KCNIP4: variants seen among roughly 807,000 people sequenced by gnomAD.
The protein encoded by KCNIP4 is potassium voltage-gated channel interacting protein 4.
A neutral mutation model predicts 34.0 loss-of-function variants in KCNIP4; 12 were observed. That is an observed-to-expected ratio of 0.35 (90% CI 0.23 to 0.57). The LOEUF is 0.57. Among genes scored for constraint, KCNIP4 ranks in the 20% least tolerant of loss-of-function variants. The probability of loss-of-function intolerance (pLI) is 0.83; values close to 1 mark genes in which losing one functional copy is unlikely to be tolerated. For missense variants in KCNIP4, 238 were observed against 311.7 expected, an observed-to-expected ratio of 0.76 and a Z score of 1.78; for synonymous variants, 124 against 102.2, an observed-to-expected ratio of 1.21 and a Z score of -1.29.
chr4:21,483,681 T>C (rs1188412079), intron 1 of KCNIP4, among the ~76,000 whole-genome samples: 4 of 151,900 alleles, frequency 2.6e-5, no homozygotes, highest in African/African-American at 7.3e-5. Flanking sequence ...TCCCAGCTAC[T>C]TGGGAGGCTG....
intron 1 of KCNIP4, among the ~76,000 whole-genome samples, chr4:21,407,600 T>C (rs764201649): frequency 3.9e-5 from 6 of 152,174 alleles, no homozygotes; most frequent in Non-Finnish European, 8.8e-5. Flanking sequence ...CTAAATATCT[T>C]AAGCAAACTC....
intron 1 of KCNIP4, among the ~76,000 whole-genome samples, chr4:21,684,655 GA>G (rs1443704827): frequency 6.6e-6 from 1 of 152,036 alleles, no homozygotes; most frequent in East Asian, 1.9e-4. Context: ...TATTTTTGGT[GA>G]AAAAAACAAA....
rs950267577 is a variant in KCNIP4 at position 21,818,615 on chromosome 4, C to T, written c.61+129956G>A. On this transcript the variant is annotated intron_variant, in intron 1 of 8. Coordinates refer to ENST00000382152, the MANE Select transcript of KCNIP4 (RefSeq NM_025221.6). ...AATACTCAGTAGCTACATGTGAGCA[C>T]TGGCTACTATATTGGATAGCACAGA... 3.3e-5 allele frequency among the ~76,000 whole-genome samples: 5 copies of T among 152,342 alleles called. No homozygotes were observed. In the South Asian group the frequency reaches 1.0e-3, roughly 32 times the overall value.
chr4:21,859,473 G>A lies in KCNIP4; in HGVS notation c.61+89098C>T, dbSNP rs541313387. 4.6e-5 allele frequency among the ~76,000 whole-genome samples: 7 copies of A among 151,408 alleles called. No individual in the cohort carries two copies. In the East Asian group the frequency reaches 1.2e-3, roughly 25 times the overall value. On this transcript the variant is annotated intron_variant, in intron 1 of 8. Transcript: ENST00000382152. ...AATACAAAAAAAAAAAAATTAGCCGGAAAAATTAGCCGGGCGTGGTGGTGG... is the reference window on the plus strand; with the variant it reads ...AATACAAAAAAAAAAAAATTAGCCGAAAAAATTAGCCGGGCGTGGTGGTGG...
chr4:21,782,626 A>T (rs954790855), intron 1 of KCNIP4, among the ~76,000 whole-genome samples: 3 of 152,154 alleles, frequency 2.0e-5, no homozygotes, highest in Non-Finnish European at 4.4e-5. Flanking sequence ...TGAGCCCAGG[A>T]GGTTGAGGCC....
chr4:21,279,251 A>G (rs1403701253), intron 1 of KCNIP4, among the ~76,000 whole-genome samples: 1 of 152,164 alleles, frequency 6.6e-6, no homozygotes, highest in African/African-American at 2.4e-5. Flanking sequence ...AGCAGAATTC[A>G]GAGTTAGGGT....
rs193231223 is a variant in KCNIP4 at position 20,978,871 on chromosome 4, C to T, written c.62-96162G>A. On this transcript the variant is annotated intron_variant, in intron 1 of 8. Coordinates refer to ENST00000382152, the MANE Select transcript of KCNIP4 (RefSeq NM_025221.6). ...TTAATTGATCTCTATATTCTGGAGC[C>T]TAGCCTAGTGCCTGACATCCTGTAG... Among the ~76,000 whole-genome samples, 6 of 152,184 alleles carry T rather than the reference C, an allele frequency of 3.9e-5. No homozygotes were observed. In the East Asian group the frequency reaches 5.8e-4, roughly 15 times the overall value.
chr4:20,883,207 C>T (rs1724913975), intron 1 of KCNIP4, among the ~76,000 whole-genome samples: 1 of 152,106 alleles, frequency 6.6e-6, no homozygotes, highest in Admixed American at 6.5e-5. Flanking sequence ...CTGTTAGTAC[C>T]TTTGCCTTCC....
At chr4:21,117,313 G>T (rs562663166) in intron 1 of KCNIP4, among the ~76,000 whole-genome samples, 1,766 of 136,648 alleles carry the variant, frequency 0.013, 176 homozygotes, top group African/African-American at 0.043. Flanking sequence ...GGGGGGGGGG[G>T]GGGGGGCGCT....
At chr4:21,361,684 T>C (rs1478791907) in intron 1 of KCNIP4, among the ~76,000 whole-genome samples, 1 of 149,362 alleles carries the variant, frequency 6.7e-6, no homozygotes. Context: ...GTTTTTTTTT[T>C]CATTCTCCTT....
At chr4:21,505,272 GA>G (rs5856639) in intron 1 of KCNIP4, among the ~76,000 whole-genome samples, 67,384 of 144,858 alleles carry the variant, frequency 0.47, 16,103 homozygotes, top group East Asian at 0.67. Flanking sequence ...AGTACTACAG[GA>G]AAAAAAAAAA....
chr4:21,545,654 G>A (rs1738090153), intron 1 of KCNIP4, among the ~76,000 whole-genome samples: 1 of 152,112 alleles, frequency 6.6e-6, no homozygotes, highest in South Asian at 2.1e-4. Flanking sequence ...CTGTTCCTGT[G>A]TTAGTTTGCT....
intron 1 of KCNIP4, among the ~76,000 whole-genome samples, chr4:21,258,746 A>T (rs1324689804): frequency 6.6e-6 from 1 of 152,034 alleles, no homozygotes; most frequent in Non-Finnish European, 1.5e-5. Context: ...CTTTATTTTA[A>T]AACTTAAATC....
chr4:21,055,581 T>C (rs1369198165), intron 1 of KCNIP4, among the ~76,000 whole-genome samples: 1 of 152,174 alleles, frequency 6.6e-6, no homozygotes, highest in Non-Finnish European at 1.5e-5. Flanking sequence ...TGAAATATTA[T>C]TCAGCACTAA....
chr4:21,516,934 C>T (rs1734816282), intron 1 of KCNIP4, among the ~76,000 whole-genome samples: 4 of 152,122 alleles, frequency 2.6e-5, no homozygotes, highest in Admixed American at 2.6e-4. Flanking sequence ...TTCCTGATTG[C>T]ACTCTGGAGA....
intron 1 of KCNIP4, among the ~76,000 whole-genome samples, chr4:21,457,734 C>G (rs1187326912): frequency 6.6e-6 from 1 of 152,022 alleles, no homozygotes; most frequent in Non-Finnish European, 1.5e-5. Flanking sequence ...AGTCCCAGAA[C>G]AGGGTCACTA....
chr4:21,419,762 T>C (rs1725295986), intron 1 of KCNIP4, among the ~76,000 whole-genome samples: 1 of 152,240 alleles, frequency 6.6e-6, no homozygotes, highest in Admixed American at 6.5e-5. Flanking sequence ...GTCATTGTTA[T>C]AAACAATCCA....
At chr4:21,369,488 CTG>C (rs1202281042) in intron 1 of KCNIP4, among the ~76,000 whole-genome samples, 1 of 146,810 alleles carries the variant, frequency 6.8e-6, no homozygotes, top group Non-Finnish European at 1.5e-5. Flanking sequence ...TCCCAGCATT[CTG>C]GGGGGCCAAA....
At chr4:21,432,126 ATATATATATATAC>A (rs1726534644) in intron 1 of KCNIP4, among the ~76,000 whole-genome samples, 1 of 119,056 alleles carries the variant, frequency 8.4e-6, no homozygotes, top group Non-Finnish European at 1.8e-5. Flanking sequence ...ATATATATAT[ATATATATATATAC>A]AATCTCCTAG....
Sources: gnomAD v4.1 joint callset for allele counts (sites outside exome capture counted in the v4.1 genomes callset) on GRCh38, gnomAD v4.1.1 for gene constraint, MANE v1.5 for transcripts, NCBI Gene and HGNC (gene_info 2026-07-23, HGNC 2026-07-21) for gene names.